Variants in SERPINI2 observed in about 807,000 individuals in gnomAD.
SERPINI2 encodes serpin I2.
Under a neutral mutation model 47.3 loss-of-function variants are expected in SERPINI2, and 48 were observed. The observed-to-expected ratio is 1.02, with a 90% CI of 0.81 to 1.29. The LOEUF is 1.29. Among genes scored for constraint, SERPINI2 ranks in the 50% most tolerant of loss-of-function variants. SERPINI2 has a pLI of 0.00. For synonymous variants in SERPINI2, 135 were observed against 149.3 expected, an observed-to-expected ratio of 0.90 and a Z score of 0.70; for missense variants, 448 against 456.9, an observed-to-expected ratio of 0.98 and a Z score of 0.18.
At chr3:167,456,244 A>T (rs1182500582) in intron 5 of SERPINI2, among the ~76,000 whole-genome samples, 1 of 151,970 alleles carries the variant, frequency 6.6e-6, no homozygotes, top group Admixed American at 6.6e-5. Flanking sequence ...ATACTTTCAC[A>T]TATGAAACAT....
chr3:167,449,276 C>G, intron 7 of SERPINI2, 40 bp downstream of exon 7: 2 of 1,328,490 alleles, frequency 1.5e-6, no homozygotes, highest in South Asian at 2.3e-5. Flanking sequence ...ATCCTCTCCC[C>G]ATGTTTCCTT....
intron 5 of SERPINI2, among the ~76,000 whole-genome samples, chr3:167,457,287 AG>A (rs1320397241): frequency 3.3e-5 from 5 of 152,368 alleles, no homozygotes; most frequent in African/African-American, 1.2e-4. Context: ...AAATAATTTC[AG>A]GGCTTCAAGG....
At chr3:167,474,086 G>A (rs866479267) in exon 1 of SERPINI2, 6 of 1,017,988 alleles carry the variant, frequency 5.9e-6, no homozygotes, top group East Asian at 8.6e-5. Context: ...ACACCTGAGC[G>A]ATCAAGGCCA....
At chr3:167,473,737 C>T (rs1242827798) in intron 1 of SERPINI2, 2 of 1,473,086 alleles carry the variant, frequency 1.4e-6, no homozygotes, top group East Asian at 2.6e-5. Context: ...ACTCACTTAC[C>T]TCATCAGGTT....
Position 167,462,100 on chromosome 3 carries a change from A to G in SERPINI2, c.866+3106T>C, listed in dbSNP as rs1749999009. 2.0e-5 allele frequency among the ~76,000 whole-genome samples: 3 copies of G among 152,218 alleles called. No individual in the cohort carries two copies. The South Asian group carries it at 6.2e-4, about 31-fold the overall frequency. On this transcript the variant is annotated intron_variant, in intron 5 of 8. Coordinates refer to ENST00000264677, the Ensembl canonical transcript of SERPINI2. ...CTGTTGCAATGGTAGGCTAAGTATAACAACGGACAGAAGGAGACTATTTGG... is the reference window on the plus strand; with the variant it reads ...CTGTTGCAATGGTAGGCTAAGTATAGCAACGGACAGAAGGAGACTATTTGG...
chr3:167,472,411 T>C (rs932987833), intron 1 of SERPINI2, among the ~76,000 whole-genome samples: 2 of 152,006 alleles, frequency 1.3e-5, no homozygotes, highest in African/African-American at 4.8e-5. Context: ...GCCCTCTTCC[T>C]GCTTTTCCAA....
Position 167,457,360 on chromosome 3 carries a change from C to A in SERPINI2, c.867-4327G>T, listed in dbSNP as rs568258803. Among the ~76,000 whole-genome samples the A allele has an allele frequency of 3.9e-5, 6 of 152,306 alleles. No individual in the cohort carries two copies. The South Asian group carries it at 1.2e-3, about 32-fold the overall frequency. ...CATGGTGCCCAGGTAAGGACTACTA[C>A]AAAACAGCAAGAATTCACAGCCCTC... On this transcript the variant is annotated intron_variant, in intron 5 of 8. Coordinates refer to ENST00000264677, the Ensembl canonical transcript of SERPINI2.
chr3:167,444,060 A>T lies in SERPINI2; in HGVS notation c.1142-1875T>A, dbSNP rs542063429. ...TACCAAGCTAATGGCGAGAAAAAAAATTCTTAATGGATATTCTGCAATCTG... is the reference window on the plus strand; with the variant it reads ...TACCAAGCTAATGGCGAGAAAAAAATTTCTTAATGGATATTCTGCAATCTG... On this transcript the variant is annotated intron_variant, in intron 8 of 8. Coordinates refer to ENST00000264677, the Ensembl canonical transcript of SERPINI2. Among the ~76,000 whole-genome samples, 12 of 152,268 alleles carry T rather than the reference A, an allele frequency of 7.9e-5. No homozygotes were observed. The East Asian group carries it at 1.9e-3, about 25-fold the overall frequency.
intron 3 of SERPINI2, 45 bp downstream of exon 3, chr3:167,467,010 G>T (rs201689094): frequency 1.4e-6 from 2 of 1,405,560 alleles, no homozygotes; most frequent in Admixed American, 3.7e-5. Context: ...TAAAAACCAT[G>T]AATACAATGG....
chr3:167,468,523 G>A (rs1750212463), intron 2 of SERPINI2, among the ~76,000 whole-genome samples: 2 of 152,042 alleles, frequency 1.3e-5, no homozygotes, highest in Admixed American at 6.6e-5. Context: ...AGCCTCACAG[G>A]AGGCTCTATG....
upstream of SERPINI2, among the ~76,000 whole-genome samples, chr3:167,475,068 G>T: frequency 6.6e-6 from 1 of 151,476 alleles, no homozygotes; most frequent in African/African-American, 2.4e-5. Flanking sequence ...CCTGAGAATA[G>T]ATCATTATAG....
intron 7 of SERPINI2, among the ~76,000 whole-genome samples, chr3:167,448,465 C>A (rs1749542349): frequency 6.6e-6 from 1 of 152,152 alleles, no homozygotes; most frequent in Non-Finnish European, 1.5e-5. Context: ...ATTTCACTTC[C>A]AGAAATACTG....
At chr3:167,462,221 T>C (rs1235879492) in intron 5 of SERPINI2, among the ~76,000 whole-genome samples, 2 of 152,154 alleles carry the variant, frequency 1.3e-5, no homozygotes, top group Non-Finnish European at 2.9e-5. Flanking sequence ...TCACCAAGAT[T>C]TCAGTAAAAT....
exon 1 of SERPINI2, chr3:167,474,095 C>A: frequency 1.5e-5 from 15 of 1,012,928 alleles, no homozygotes; most frequent in Non-Finnish European, 1.8e-5. Flanking sequence ...CGATCAAGGC[C>A]AACTCCATTT....
chr3:167,459,316 C>T (rs1487330492), intron 5 of SERPINI2, among the ~76,000 whole-genome samples: 4 of 151,868 alleles, frequency 2.6e-5, no homozygotes, highest in Non-Finnish European at 4.4e-5. Flanking sequence ...CCTCGTGATC[C>T]GCCCGCCTCA....
intron 5 of SERPINI2, among the ~76,000 whole-genome samples, chr3:167,460,753 T>C (rs1298638746): frequency 6.6e-6 from 1 of 152,026 alleles, no homozygotes; most frequent in Non-Finnish European, 1.5e-5. Context: ...TAAATTAGAG[T>C]GACCGGAAAG....
chr3:167,456,148 C>T (rs918051004), intron 5 of SERPINI2, among the ~76,000 whole-genome samples: 19 of 99,798 alleles, frequency 1.9e-4, no homozygotes, highest in African/African-American at 7.5e-4. Flanking sequence ...AATCAATTAC[C>T]TCTGTGTGTG....
chr3:167,450,210 G>C (rs1434457325), intron 6 of SERPINI2, among the ~76,000 whole-genome samples: 1 of 152,218 alleles, frequency 6.6e-6, no homozygotes, highest in Non-Finnish European at 1.5e-5. Context: ...TGTGTCACCT[G>C]TTACAAAATC....
upstream of SERPINI2, among the ~76,000 whole-genome samples, chr3:167,475,847 A>G (rs1289115771): frequency 5.3e-5 from 8 of 151,802 alleles, no homozygotes; most frequent in African/African-American, 1.7e-4. Flanking sequence ...GCAAAGGGTT[A>G]CAGTTATCAT....
Sources: allele counts gnomAD v4.1 joint callset (sites outside exome capture counted in the v4.1 genomes callset), GRCh38; gene constraint gnomAD v4.1.1; transcripts MANE v1.5; gene names NCBI Gene and HGNC (gene_info 2026-07-23, HGNC 2026-07-21).